NBEA: variants seen among roughly 807,000 people sequenced by gnomAD.
NBEA encodes the protein lysosomal-trafficking regulator 2.
Under a neutral mutation model 343.4 loss-of-function variants are expected in NBEA, and 44 were observed. The ratio of observed to expected loss-of-function variants is 0.13; its 90% CI spans 0.10 to 0.16. The LOEUF is 0.16. NBEA is among the 10% of genes least tolerant of loss of function. NBEA has a pLI of 1.00. For missense variants in NBEA, 2,555 were observed against 3,631.3 expected, an observed-to-expected ratio of 0.70 and a Z score of 7.62; for synonymous variants, 1,175 against 1,238.7, an observed-to-expected ratio of 0.95 and a Z score of 1.08.
chr13:35,213,597 A>G (rs569748317), intron 33 of NBEA, among the ~76,000 whole-genome samples: 3 of 151,054 alleles, frequency 2.0e-5, no homozygotes, highest in African/African-American at 7.3e-5. Flanking sequence ...TATTCCTACC[A>G]TTTCCTTAGG....
chr13:35,337,316 A>G lies in NBEA; in HGVS notation c.5904-11792A>G, dbSNP rs180885243. 5.9e-5 allele frequency among the ~76,000 whole-genome samples: 9 copies of G among 152,224 alleles called. No homozygotes were observed. The East Asian group carries it at 1.7e-3, about 29-fold the overall frequency. ...AGGCTGACAGAAAAATGATTTTAAA[A>G]CGTATTCCATACAAATAGAACTCAA... On this transcript the variant is annotated intron_variant, in intron 36 of 58. Coordinates refer to ENST00000379939, the MANE Select transcript of NBEA (RefSeq NM_001385012.1).
At chr13:35,340,864 T>A (rs1475430397) in intron 36 of NBEA, among the ~76,000 whole-genome samples, 1 of 148,710 alleles carries the variant, frequency 6.7e-6, no homozygotes, top group Non-Finnish European at 1.5e-5. Context: ...TCTATCAAAA[T>A]TTTAGCTGTC....
chr13:35,184,302 G>T (rs915645226), intron 30 of NBEA, among the ~76,000 whole-genome samples: 1 of 151,834 alleles, frequency 6.6e-6, no homozygotes, highest in African/African-American at 2.4e-5. Context: ...CTAATTATAT[G>T]TATATTAATA....
chr13:35,531,081 C>CT (rs1465887471), intron 41 of NBEA, among the ~76,000 whole-genome samples: 1 of 152,094 alleles, frequency 6.6e-6, no homozygotes, highest in East Asian at 1.9e-4. Context: ...GATAGGGCCC[C>CT]TTTAAGACTA....
intron 51 of NBEA, among the ~76,000 whole-genome samples, chr13:35,647,628 G>T (rs12583971): frequency 6.6e-6 from 1 of 152,024 alleles, no homozygotes; most frequent in Non-Finnish European, 1.5e-5. Flanking sequence ...GTGCAGTGGC[G>T]CAATCTCAGC....
At chr13:35,535,293 TA>T (rs971492454) in intron 41 of NBEA, among the ~76,000 whole-genome samples, 1 of 152,182 alleles carries the variant, frequency 6.6e-6, no homozygotes, top group African/African-American at 2.4e-5. Context: ...GAAGGTGCTT[TA>T]AGGTGTTTTT....
chr13:35,349,106 A>T lies in NBEA; in HGVS notation c.5904-2A>T, dbSNP rs1376920408. The T allele has an allele frequency of 1.3e-6, 2 of 1,511,678 alleles. No homozygotes were observed. The highest frequency in any genetic ancestry group is 2.0e-5 in the Admixed American group (1 of 50,660). The allele number at this position is 1,511,678 out of a possible 1,614,324, so 93.6% of individuals were successfully genotyped here. A position where few individuals can be genotyped will look rare whatever the true frequency, so the allele number is the denominator to read the frequency against. On this transcript the variant is annotated splice_acceptor_variant, in intron 36 of 58. Transcript: ENST00000379939. LOFTEE classifies it high-confidence loss of function. ...TATTTCTAAAGGTATTTTTCTTTTTAGATTACTGTGCCATGCTATGAAGGA... is the reference window on the plus strand; with the variant it reads ...TATTTCTAAAGGTATTTTTCTTTTTTGATTACTGTGCCATGCTATGAAGGA...
chr13:35,213,704 G>C (rs2073912931), intron 33 of NBEA, among the ~76,000 whole-genome samples: 1 of 151,680 alleles, frequency 6.6e-6, no homozygotes, highest in South Asian at 2.1e-4. Context: ...TATTTTGTAT[G>C]TTTCTATTTT....
intron 38 of NBEA, among the ~76,000 whole-genome samples, chr13:35,423,625 C>T (rs1353164599): frequency 2.6e-5 from 4 of 152,000 alleles, no homozygotes; most frequent in Non-Finnish European, 5.9e-5. Flanking sequence ...ATTGACTTGG[C>T]GATGTGGGCT....
rs183277556 is a variant in NBEA, at chr13:34,959,335, G to A, written c.294+16221G>A. Among the ~76,000 whole-genome samples the A allele has an allele frequency of 9.5e-4, 144 of 152,122 alleles. 1 individual carries two copies. The highest frequency in any genetic ancestry group is 3.4e-3 in the Middle Eastern group (1 of 294). On this transcript the variant is annotated intron_variant, in intron 1 of 58. Transcript: ENST00000379939. ...TTCATTGCTGTTGTTGTTGGAAGTC[G>A]TCCACCTGGCAGACAGGAAGCTCTG...
intron 49 of NBEA, among the ~76,000 whole-genome samples, chr13:35,643,161 A>G (rs1018022304): frequency 1.3e-5 from 2 of 151,760 alleles, no homozygotes; most frequent in African/African-American, 4.8e-5. Context: ...AAACCTTTTC[A>G]TGCTGTGGAC....
Position 35,650,899 on chromosome 13 carries a change from A to G in NBEA, c.7964-906A>G, listed in dbSNP as rs116032236. ...GAATCTTTCTATTTTACTGACCTCT[A>G]CATTGCTCTAAAAAATACAGTGATT... On this transcript the variant is annotated intron_variant, in intron 52 of 58. Coordinates refer to ENST00000379939, the MANE Select transcript of NBEA (RefSeq NM_001385012.1). Among the ~76,000 whole-genome samples the G allele has an allele frequency of 2.6e-3, 403 of 152,264 alleles. 2 individuals carry two copies. Among genetic ancestry groups the G allele is most frequent in the African/African-American group, 9.5e-3 (393 of 41,546 alleles).
intron 38 of NBEA, among the ~76,000 whole-genome samples, chr13:35,355,188 G>T (rs1005160408): frequency 7.3e-6 from 1 of 137,434 alleles, no homozygotes; most frequent in Non-Finnish European, 1.7e-5. Context: ...TTGACTTATT[G>T]TACCAGCATG....
chr13:35,648,324 C>A (rs1039245137), intron 51 of NBEA, among the ~76,000 whole-genome samples: 2 of 151,494 alleles, frequency 1.3e-5, no homozygotes, highest in African/African-American at 4.9e-5. Flanking sequence ...GCACCAAGCT[C>A]AGGCTGTTGC....
chr13:35,145,264 C>T (rs572148715), intron 18 of NBEA, among the ~76,000 whole-genome samples: 22 of 152,226 alleles, frequency 1.4e-4, no homozygotes, highest in African/African-American at 4.6e-4. Flanking sequence ...CCTGTCATAC[C>T]CAGGAAAGTT....
chr13:35,382,135 C>T (rs1241073153), intron 38 of NBEA, among the ~76,000 whole-genome samples: 2 of 152,014 alleles, frequency 1.3e-5, no homozygotes, highest in Non-Finnish European at 2.9e-5. Context: ...TTATATAGGG[C>T]ACTAGCCAGG....
At chr13:35,483,325 T>G (rs1311310302) in intron 41 of NBEA, among the ~76,000 whole-genome samples, 2 of 151,978 alleles carry the variant, frequency 1.3e-5, no homozygotes, top group African/African-American at 2.4e-5. Flanking sequence ...TTGTAATGTT[T>G]CTAGCTTTAT....
intron 18 of NBEA, among the ~76,000 whole-genome samples, chr13:35,154,273 A>G (rs1296273823): frequency 2.0e-5 from 3 of 152,158 alleles, no homozygotes; most frequent in African/African-American, 7.2e-5. Context: ...TTCTAATCAG[A>G]AGAGACCATC....
At chr13:35,592,524 A>G (rs2081584333) in intron 46 of NBEA, among the ~76,000 whole-genome samples, 1 of 152,128 alleles carries the variant, frequency 6.6e-6, no homozygotes, top group South Asian at 2.1e-4. Context: ...TTCAGGAGAA[A>G]ATGACATCAT....
Sources: allele counts gnomAD v4.1 joint callset (sites outside exome capture counted in the v4.1 genomes callset), GRCh38; gene constraint gnomAD v4.1.1; transcripts MANE v1.5; gene names NCBI Gene and HGNC (gene_info 2026-07-23, HGNC 2026-07-21).